EIF2S1: variants seen among roughly 807,000 people sequenced by gnomAD.
EIF2S1 encodes the protein eukaryotic translation initiation factor 2 subunit alpha, also known as eukaryotic translation initiation factor 2 subunit 1.
Under a neutral mutation model 33.5 loss-of-function variants are expected in EIF2S1, and 5 were observed. That is an observed-to-expected ratio of 0.15 (90% CI 0.08 to 0.31). The LOEUF (loss-of-function observed/expected upper bound fraction) is 0.31. Ranked by LOEUF, EIF2S1 falls within the 10% of genes least tolerant of loss-of-function variation. The pLI, the probability that EIF2S1 is intolerant of heterozygous loss-of-function variation, is 1.00. For missense variants in EIF2S1, 191 were observed against 384.6 expected (o/e 0.50, Z 4.21); for synonymous variants, 99 against 127.5 (o/e 0.78, Z 1.51).
chr14:67,366,430 C>G (rs1352775879), intron 2 of EIF2S1, among the ~76,000 whole-genome samples: 1 of 152,054 alleles, frequency 6.6e-6, no homozygotes, highest in Non-Finnish European at 1.5e-5. Context: ...TTTTTAGTTG[C>G]AATCAGAAAA....
Position 67,384,836 on chromosome 14 carries a change from A to T in EIF2S1, c.*1396A>T, listed in dbSNP as rs2085911005. The T allele has an allele frequency of 6.6e-6, 1 of 152,178 alleles. No homozygotes were observed. Among genetic ancestry groups the T allele is most frequent in the Admixed American group, 6.5e-5 (1 of 15,278 alleles). The allele number at this position is 152,178 out of a possible 1,614,324, so 9.4% of individuals were successfully genotyped here. On this transcript the variant is annotated 3_prime_UTR_variant, in exon 8 of 8. Coordinates refer to ENST00000256383, the MANE Select transcript of EIF2S1 (RefSeq NM_004094.5). The stretch of plus-strand genomic sequence containing the variant: ...TCCATATTGGGAATATGTAGAGGAG[A>T]ACCTGGATGTACTTAAGAGTGGCAT...
At chr14:67,382,021 C>T (rs1442794436) in intron 6 of EIF2S1, among the ~76,000 whole-genome samples, 1 of 152,064 alleles carries the variant, frequency 6.6e-6, no homozygotes, top group African/African-American at 2.4e-5. Flanking sequence ...TATCTGTACA[C>T]ATACAAGTTT....
chr14:67,373,971 G>T (rs1314879550), intron 2 of EIF2S1, among the ~76,000 whole-genome samples: 8 of 151,832 alleles, frequency 5.3e-5, no homozygotes, highest in Non-Finnish European at 1.2e-4. Flanking sequence ...GGAAAGATAG[G>T]CATTTGACTA....
chr14:67,369,886 G>A (rs1420049473), intron 2 of EIF2S1, among the ~76,000 whole-genome samples: 4 of 152,202 alleles, frequency 2.6e-5, no homozygotes, highest in Admixed American at 1.3e-4. Context: ...AGAGGCGCTA[G>A]AGGAATTAAA....
chr14:67,383,582 C>A lies in EIF2S1; in HGVS notation c.*142C>A. On this transcript the variant is annotated 3_prime_UTR_variant, in exon 8 of 8. Coordinates refer to ENST00000256383, the MANE Select transcript of EIF2S1 (RefSeq NM_004094.5). ...TAAGTATTTAAATGTTCTAACAGAT[C>A]AGAACATGAAATGCCCTCCTAAATG... 1 of 1,233,984 alleles carries A rather than the reference C, an allele frequency of 8.1e-7. No individual in the cohort carries two copies. The highest frequency in any genetic ancestry group is 1.1e-6 in the Non-Finnish European group (1 of 886,178). The allele number at this position is 1,233,984 out of a possible 1,614,324, so 76.4% of individuals were successfully genotyped here. A position where few individuals can be genotyped will look rare whatever the true frequency, so the allele number is the denominator to read the frequency against.
At chr14:67,378,210 G>C (rs977724511) in intron 4 of EIF2S1, among the ~76,000 whole-genome samples, 2 of 151,304 alleles carry the variant, frequency 1.3e-5, no homozygotes. Flanking sequence ...TTAAGAGTTA[G>C]AGGGGGGAAA....
chr14:67,369,674 G>A (rs752377795), intron 2 of EIF2S1, among the ~76,000 whole-genome samples: 7 of 152,116 alleles, frequency 4.6e-5, no homozygotes, highest in East Asian at 1.9e-4. Context: ...ATCTTGGGAG[G>A]GAAGAGTTTG....
rs1431256849 is a variant in EIF2S1, at chr14:67,383,865, A to G, written c.*425A>G. On this transcript the variant is annotated 3_prime_UTR_variant, in exon 8 of 8. Transcript: ENST00000256383. The stretch of plus-strand genomic sequence containing the variant: ...ATAAATTTCTGGGATATTTAACTAT[A>G]GGCTTCTTCCTTCTTGTCACCAGTT... 2.1e-5 allele frequency: 5 copies of G among 233,648 alleles called. No individual in the cohort carries two copies. The highest frequency in any genetic ancestry group is 4.3e-5 in the Non-Finnish European group (5 of 116,650). The allele number at this position is 233,648 out of a possible 1,614,324, so 14.5% of individuals were successfully genotyped here.
In EIF2S1 at chr14:67,383,470, AAC is replaced by A; in HGVS notation, c.*34_*35del. ...GTGGGAAACAGAGTCCAATTTAAGG[AAC>A]ACAGAGCAGCGCTTCCTGGCTGTAA... On this transcript the variant is annotated 3_prime_UTR_variant, in exon 8 of 8. Transcript: ENST00000256383. The A allele has an allele frequency of 1.2e-6, 2 of 1,610,214 alleles. No individual in the cohort carries two copies. Among genetic ancestry groups the A allele is most frequent in the Non-Finnish European group, 1.7e-6 (2 of 1,177,434 alleles).
intron 2 of EIF2S1, among the ~76,000 whole-genome samples, chr14:67,372,826 CA>C (rs61111379): frequency 2.0e-4 from 28 of 138,424 alleles, no homozygotes; most frequent in Admixed American, 2.2e-4. Context: ...GACTCCATCT[CA>C]AAAAAAAAAA....
In EIF2S1 at chr14:67,382,607, C is replaced by G. The variant is rs140127317; in HGVS notation, c.822+17C>G. The stretch of plus-strand genomic sequence containing the variant: ...CAAATGGAGGTGAGATCAATAGATT[C>G]ATTTTTAATAATGACTCAGGAGGTT... On this transcript the variant is annotated intron_variant, in intron 7 of 7. Coordinates refer to ENST00000256383, the MANE Select transcript of EIF2S1 (RefSeq NM_004094.5). The G allele has an allele frequency of 3.7e-6, 6 of 1,613,448 alleles. No homozygotes were observed. Among genetic ancestry groups the G allele is most frequent in the Non-Finnish European group, 5.1e-6 (6 of 1,179,536 alleles).
At chr14:67,381,761 T>A in intron 6 of EIF2S1, 71 bp downstream of exon 6, 2 of 1,158,452 alleles carry the variant, frequency 1.7e-6, no homozygotes, top group Non-Finnish European at 2.5e-6. Flanking sequence ...GATCTTTGTT[T>A]CTTTTTTTTT....
intron 4 of EIF2S1, among the ~76,000 whole-genome samples, chr14:67,379,854 C>T (rs10151760): frequency 0.063 from 9,496 of 151,384 alleles, 572 homozygotes; most frequent in African/African-American, 0.16. Context: ...CGAGGTTTCA[C>T]CGTTTTAGCC....
chr14:67,377,331 T>G (rs1156499271), intron 4 of EIF2S1, among the ~76,000 whole-genome samples: 1 of 152,146 alleles, frequency 6.6e-6, no homozygotes, highest in Non-Finnish European at 1.5e-5. Context: ...CACTGCATAT[T>G]CATGGTCTCC....
chr14:67,380,642 T>C lies in EIF2S1; in HGVS notation c.474-17T>C, dbSNP rs769644111. The C allele has an allele frequency of 7.2e-7, 1 of 1,393,030 alleles. No individual in the cohort carries two copies. The highest frequency in any genetic ancestry group is 9.7e-7 in the Non-Finnish European group (1 of 1,028,752). The allele number at this position is 1,393,030 out of a possible 1,614,324, so 86.3% of individuals were successfully genotyped here. A position where few individuals can be genotyped will look rare whatever the true frequency, so the allele number is the denominator to read the frequency against. On this transcript the variant is annotated splice_polypyrimidine_tract_variant and intron_variant, in intron 4 of 7. Coordinates refer to ENST00000256383, the MANE Select transcript of EIF2S1 (RefSeq NM_004094.5). Reference sequence around the variant, plus strand: ...TATAACCTTGACCTTTTGTTATTTATTTATGTTTTTGACCAGAGACCCATC... The same window carrying C: ...TATAACCTTGACCTTTTGTTATTTACTTATGTTTTTGACCAGAGACCCATC...
Position 67,373,660 on chromosome 14 carries a change from G to A in EIF2S1, c.242-808G>A, listed in dbSNP as rs943067127. On this transcript the variant is annotated intron_variant, in intron 2 of 7. Coordinates refer to ENST00000256383, the MANE Select transcript of EIF2S1 (RefSeq NM_004094.5). ...ATTTTTGGCTATTTGACGTTGACAA[G>A]TTACTTAACCTTTCATGGGTTTTAG... Among the ~76,000 whole-genome samples the A allele has an allele frequency of 4.6e-4, 70 of 152,184 alleles. 1 individual carries two copies. Among genetic ancestry groups the A allele is most frequent in the Non-Finnish European group, 1.2e-4 (8 of 68,020 alleles).
At position 67,374,566 on chromosome 14, in the gene EIF2S1, C is replaced by G; in HGVS notation, c.321+19C>G. 6.6e-7 allele frequency: 1 copy of G among 1,504,810 alleles called. No homozygotes were observed. The highest frequency in any genetic ancestry group is 1.4e-5 in the African/African-American group (1 of 72,832). 93.2% of individuals were successfully genotyped at this position (1,504,810 alleles called of 1,614,324 possible). A position where few individuals can be genotyped will look rare whatever the true frequency, so the allele number is the denominator to read the frequency against. On this transcript the variant is annotated intron_variant, in intron 3 of 7. Transcript: ENST00000256383. Reference sequence around the variant, plus strand: ...CAAAACTGTAAGTTGATCTTTGAGTCAAATTAGTCCACTATCTGTGTGTTT... The same window carrying G: ...CAAAACTGTAAGTTGATCTTTGAGTGAAATTAGTCCACTATCTGTGTGTTT...
intron 4 of EIF2S1, among the ~76,000 whole-genome samples, 191 bp from the exon 5 acceptor site, chr14:67,380,468 C>T (rs1284615878): frequency 2.0e-5 from 3 of 152,098 alleles, no homozygotes; most frequent in Admixed American, 2.0e-4. Flanking sequence ...ATTTTGATTT[C>T]ACTAATAATC....
At chr14:67,378,461 G>C (rs2141146899) in intron 4 of EIF2S1, among the ~76,000 whole-genome samples, 1 of 152,072 alleles carries the variant, frequency 6.6e-6, no homozygotes, top group East Asian at 1.9e-4. Flanking sequence ...AGAAACTGAA[G>C]CTGAGATTAA....
Sources: gnomAD v4.1 joint callset for allele counts (sites outside exome capture counted in the v4.1 genomes callset) on GRCh38, gnomAD v4.1.1 for gene constraint, MANE v1.5 for transcripts, NCBI Gene and HGNC (gene_info 2026-07-23, HGNC 2026-07-21) for gene names.